The following CALCR variants were observed in gnomAD, a reference collection of about 807,000 sequenced individuals.
The protein encoded by CALCR is calcitonin receptor.
CALCR carries 47 observed loss-of-function variants against 59.5 expected under a neutral mutation model. The ratio of observed to expected loss-of-function variants is 0.79; its 90% CI spans 0.63 to 1.01. CALCR has a LOEUF of 1.01. Ranked by LOEUF, CALCR falls within the 50% of genes least tolerant of loss-of-function variation. The pLI, the probability that CALCR is intolerant of heterozygous loss-of-function variation, is 0.00. For missense variants in CALCR, 566 were observed against 597.1 expected (o/e 0.95, Z 0.54); for synonymous variants, 213 against 211.3 (o/e 1.01, Z -0.07).
At chr7:93,514,120 G>A (rs1440958955) in intron 2 of CALCR, among the ~76,000 whole-genome samples, 4 of 152,072 alleles carry the variant, frequency 2.6e-5, no homozygotes, top group Middle Eastern at 3.4e-3. Flanking sequence ...CAAAGGACAA[G>A]GTGAACTAAG....
At chr7:93,538,911 G>C (rs1380034567) in intron 2 of CALCR, among the ~76,000 whole-genome samples, 1 of 152,002 alleles carries the variant, frequency 6.6e-6, no homozygotes, top group Non-Finnish European at 1.5e-5. Context: ...ACAAACTCTA[G>C]GTGACACTGA....
At chr7:93,529,548 A>G (rs2116126345) in intron 2 of CALCR, among the ~76,000 whole-genome samples, 1 of 152,310 alleles carries the variant, frequency 6.6e-6, no homozygotes, top group South Asian at 2.1e-4. Flanking sequence ...GAAGAACCAC[A>G]AGAACTACAT....
intron 8 of CALCR, among the ~76,000 whole-genome samples, chr7:93,448,128 C>T (rs913873215): frequency 6.6e-6 from 1 of 151,970 alleles, no homozygotes; most frequent in African/African-American, 2.4e-5. Context: ...GTGCATATTT[C>T]ATTTTCAGGG....
intron 2 of CALCR, among the ~76,000 whole-genome samples, chr7:93,564,456 C>G (rs1204982585): frequency 2.0e-5 from 3 of 150,922 alleles, no homozygotes; most frequent in African/African-American, 7.3e-5. Context: ...TGATACTACA[C>G]TTTTAAAAAA....
intron 2 of CALCR, among the ~76,000 whole-genome samples, chr7:93,513,027 A>G (rs972320379): frequency 5.3e-5 from 8 of 152,180 alleles, no homozygotes; most frequent in African/African-American, 1.9e-4. Context: ...AGGAATAACT[A>G]TTAACATTCT....
rs1035006020 is a variant in CALCR, at chr7:93,469,914, A to G, written c.430-1108T>C. Among the ~76,000 whole-genome samples the G allele has an allele frequency of 2.0e-5, 3 of 151,834 alleles. No homozygotes were observed. In the East Asian group the frequency reaches 5.8e-4, roughly 30 times the overall value. On this transcript the variant is annotated intron_variant, in intron 6 of 13. Coordinates refer to ENST00000426151, the MANE Select transcript of CALCR (RefSeq NM_001742.4). ...TCCTTGAACATTTTGATTCTTGTCA[A>G]TTTCCTCAGAAAGAGTCTGGGATTG...
chr7:93,449,505 C>G (rs1042115731), intron 8 of CALCR, among the ~76,000 whole-genome samples: 1 of 151,954 alleles, frequency 6.6e-6, no homozygotes. Context: ...TCTCTGCTGC[C>G]TCTTCCATCT....
intron 8 of CALCR, among the ~76,000 whole-genome samples, chr7:93,446,281 T>C (rs1800004840): frequency 6.6e-6 from 1 of 152,000 alleles, no homozygotes; most frequent in Non-Finnish European, 1.5e-5. Flanking sequence ...TGAAAATAAT[T>C]AGAAATATCT....
chr7:93,519,127 T>C (rs191064687), intron 2 of CALCR, among the ~76,000 whole-genome samples: 2 of 152,004 alleles, frequency 1.3e-5, no homozygotes, highest in Non-Finnish European at 2.9e-5. Flanking sequence ...TTTTTAAACT[T>C]ATAGACCTTA....
At chr7:93,441,061 T>C (rs760416962) in intron 9 of CALCR, among the ~76,000 whole-genome samples, 3 of 146,334 alleles carry the variant, frequency 2.1e-5, no homozygotes, top group Non-Finnish European at 4.4e-5. Flanking sequence ...TTCATTGAGC[T>C]GTCTATGATG....
chr7:93,479,293 A>G, intron 4 of CALCR, 61 bp downstream of exon 4: 1 of 1,475,798 alleles, frequency 6.8e-7, no homozygotes, highest in South Asian at 1.4e-5. Context: ...ATATTTAACC[A>G]CAAAAGAAAA....
At chr7:93,552,212 GTAT>G (rs1337374422) in intron 2 of CALCR, among the ~76,000 whole-genome samples, 1 of 152,148 alleles carries the variant, frequency 6.6e-6, no homozygotes, top group Non-Finnish European at 1.5e-5. Context: ...CAAGGTAAAT[GTAT>G]TACCTAACTT....
chr7:93,455,246 A>G (rs1218660435), intron 8 of CALCR, among the ~76,000 whole-genome samples: 2 of 151,964 alleles, frequency 1.3e-5, no homozygotes, highest in Non-Finnish European at 2.9e-5. Flanking sequence ...TGAAGAAAAC[A>G]TATGCCCGAA....
In CALCR at chr7:93,438,077, C is replaced by A; in HGVS notation, c.913G>T (p.Val305Phe). 6.2e-7 allele frequency: 1 copy of A among 1,613,592 alleles called. No individual in the cohort carries two copies. The highest frequency in any genetic ancestry group is 8.5e-7 in the Non-Finnish European group (1 of 1,179,586). Residue 305 changes from valine (V) to phenylalanine (F), a missense_variant, in exon 11 of 14, where the codon GTC (valine) becomes TTC (phenylalanine). Physicochemically the swap from Val to Phe is conservative, Grantham distance 50 (BLOSUM62 -1). Transcript: ENST00000426151. ...ATTCTCACCACAAGTGCCGCCATGA[C>A]AGGTCCATGGATTATGTAAAGCAAA... ...THLLYIIHGP[V>F]MAALVVNFFF...
intron 2 of CALCR, among the ~76,000 whole-genome samples, chr7:93,560,972 G>C (rs570152154): frequency 5.1e-4 from 77 of 152,244 alleles, no homozygotes; most frequent in Non-Finnish European, 9.6e-4. Context: ...GTTATTGACT[G>C]CTATATGCCT....
chr7:93,493,942 G>A (rs1801140966), intron 2 of CALCR, among the ~76,000 whole-genome samples: 1 of 151,398 alleles, frequency 6.6e-6, no homozygotes, highest in Admixed American at 6.6e-5. Context: ...AACTGACACA[G>A]TTTTCTTTGT....
intron 8 of CALCR, among the ~76,000 whole-genome samples, chr7:93,446,313 G>T (rs1800005391): frequency 6.6e-6 from 1 of 151,970 alleles, no homozygotes; most frequent in Non-Finnish European, 1.5e-5. Flanking sequence ...CTGACTATTA[G>T]AATTTTTCAC....
At chr7:93,436,468 G>T (rs548815440) in intron 11 of CALCR, among the ~76,000 whole-genome samples, 1 of 152,288 alleles carries the variant, frequency 6.6e-6, no homozygotes, top group South Asian at 2.1e-4. Flanking sequence ...TGGTGGAGGG[G>T]TGTAGTATTA....
At chr7:93,473,374 C>A (rs1800597058) in intron 5 of CALCR, among the ~76,000 whole-genome samples, 1 of 151,728 alleles carries the variant, frequency 6.6e-6, no homozygotes, top group South Asian at 2.1e-4. Context: ...GGAATCAAAT[C>A]CGAGTCTACT....
Sources: allele counts gnomAD v4.1 joint callset (sites outside exome capture counted in the v4.1 genomes callset), GRCh38; gene constraint gnomAD v4.1.1; transcripts MANE v1.5; gene names NCBI Gene and HGNC (gene_info 2026-07-23, HGNC 2026-07-21).